The following ESR1 variants were observed in gnomAD, a reference collection of about 807,000 sequenced individuals.
ESR1 encodes the protein estrogen receptor 1, also known as estrogen receptor.
A neutral mutation model predicts 52.7 loss-of-function variants in ESR1; 12 were observed. The ratio of observed to expected loss-of-function variants is 0.23; its 90% confidence interval spans 0.15 to 0.37. The LOEUF is 0.37. ESR1 is among the 10% of genes least tolerant of loss of function. The probability of loss-of-function intolerance (pLI) is 1.00; values close to 1 mark genes in which losing one functional copy is unlikely to be tolerated. For synonymous variants in ESR1, 305 were observed against 316.8 expected (o/e 0.96, Z 0.39); for missense variants, 584 against 779.7 (o/e 0.75, Z 2.99).
intron 6 of ESR1, among the ~76,000 whole-genome samples, chr6:152,091,591 C>G (rs2050183377): frequency 6.6e-6 from 1 of 152,182 alleles, no homozygotes; most frequent in Non-Finnish European, 1.5e-5. Context: ...AAGGAACCCA[C>G]ACGCACCTTA....
chr6:152,015,061 AAAAAG>A (rs1364676938), intron 5 of ESR1, among the ~76,000 whole-genome samples: 18 of 152,126 alleles, frequency 1.2e-4, no homozygotes, highest in African/African-American at 4.3e-4. Flanking sequence ...TCCGTCTCAA[AAAAAG>A]AAAAGAAAAT....
intron 1 of ESR1, among the ~76,000 whole-genome samples, chr6:151,671,580 T>C (rs1441545393): frequency 6.6e-6 from 1 of 152,114 alleles, no homozygotes; most frequent in Non-Finnish European, 1.5e-5. Flanking sequence ...AAAGTTTTAG[T>C]TAGATAGGAG....
At chr6:151,795,951 A>G (rs148459300) in intron 2 of ESR1, among the ~76,000 whole-genome samples, 29 of 151,916 alleles carry the variant, frequency 1.9e-4, no homozygotes, top group African/African-American at 6.8e-4. Context: ...GATCAAAATC[A>G]TCCTGGCTAA....
intron 2 of ESR1, among the ~76,000 whole-genome samples, chr6:151,702,435 CACA>C (rs1177154472): frequency 6.6e-6 from 1 of 152,070 alleles, no homozygotes; most frequent in Non-Finnish European, 1.5e-5. Context: ...ATTTGAATTT[CACA>C]ACCTCCTTCT....
chr6:152,127,024 T>C (rs539617791), exon 7 of ESR1: 2 of 152,332 alleles, frequency 1.3e-5, no homozygotes, highest in African/African-American at 4.8e-5. Flanking sequence ...ATGTGTCTTG[T>C]CTTTGAAACC....
chr6:151,761,493 G>A (rs1041778231), intron 2 of ESR1, among the ~76,000 whole-genome samples: 2 of 152,106 alleles, frequency 1.3e-5, no homozygotes, highest in African/African-American at 4.8e-5. Context: ...GCCTGACTGG[G>A]GAGGTGTTCA....
intron 2 of ESR1, among the ~76,000 whole-genome samples, chr6:151,844,178 G>T (rs1463945809): frequency 6.6e-6 from 1 of 151,172 alleles, no homozygotes; most frequent in African/African-American, 2.4e-5. Flanking sequence ...ATATATATAT[G>T]CACACAGGCT....
At chr6:151,799,091 C>A (rs1456213037) in intron 2 of ESR1, among the ~76,000 whole-genome samples, 1 of 152,138 alleles carries the variant, frequency 6.6e-6, no homozygotes. Flanking sequence ...ACCAATTAGT[C>A]CCTTAATTTT....
chr6:151,673,324 T>C (rs187902298), intron 1 of ESR1, among the ~76,000 whole-genome samples: 1 of 152,352 alleles, frequency 6.6e-6, no homozygotes, highest in Non-Finnish European at 1.5e-5. Flanking sequence ...TTTTGCCTTA[T>C]ATATTTGGCT....
chr6:151,996,455 T>C (rs142382229), intron 4 of ESR1, among the ~76,000 whole-genome samples: 321 of 152,214 alleles, frequency 2.1e-3, no homozygotes, highest in African/African-American at 7.4e-3. Context: ...TTCATTTCTG[T>C]CTGTCTTTTG....
At position 151,684,535 on chromosome 6, in the gene ESR1, A is replaced by T. The variant is rs76884697; in HGVS notation, n.74-17340A>T. Among the ~76,000 whole-genome samples, 26 of 152,292 alleles carry T rather than the reference A, an allele frequency of 1.7e-4. No homozygotes were observed. In the East Asian group the frequency reaches 4.6e-3, roughly 27 times the overall value. On this transcript the variant is annotated intron_variant and non_coding_transcript_variant, in intron 1 of 2. Transcript: ENST00000473497. ...AAAGTCCAGCTGAGAGCTGAAGAGG[A>T]TCTGACTTGTGACAGGGAGTAGGAC...
At chr6:152,062,185 G>A (rs3798567) in intron 6 of ESR1, among the ~76,000 whole-genome samples, 33,086 of 151,776 alleles carry the variant, frequency 0.22, 5,191 homozygotes, top group African/African-American at 0.43. Flanking sequence ...GATGAGTGCT[G>A]ATCCCTTCCC....
At chr6:151,755,085 C>G (rs1411472691) in intron 2 of ESR1, among the ~76,000 whole-genome samples, 1 of 152,062 alleles carries the variant, frequency 6.6e-6, no homozygotes, top group East Asian at 1.9e-4. Context: ...TGGTGCATGC[C>G]TGTAGTCCCA....
intron 2 of ESR1, among the ~76,000 whole-genome samples, chr6:151,850,710 C>A (rs370153011): frequency 2.3e-4 from 35 of 152,054 alleles, no homozygotes; most frequent in African/African-American, 7.7e-4. Flanking sequence ...CCACTCCCTC[C>A]GGCATCCGTA....
intron 4 of ESR1, among the ~76,000 whole-genome samples, chr6:151,996,329 G>A (rs574642860): frequency 6.6e-6 from 1 of 152,032 alleles, no homozygotes; most frequent in Admixed American, 6.6e-5. Context: ...TAGCCAGGGG[G>A]ACCTCCCACT....
chr6:151,807,435 C>T, upstream of ESR1: 1 of 234,782 alleles, frequency 4.3e-6, no homozygotes, highest in South Asian at 6.3e-5. Flanking sequence ...CCTGGGCCAC[C>T]TTTAGCAGAT....
chr6:151,848,854 A>G (rs1785738403), intron 2 of ESR1, among the ~76,000 whole-genome samples: 1 of 152,138 alleles, frequency 6.6e-6, no homozygotes, highest in South Asian at 2.1e-4. Context: ...CTCTCAAGAG[A>G]AAAATTTTCC....
chr6:151,669,189 A>AGAGAG (rs774737323), intron 1 of ESR1, among the ~76,000 whole-genome samples: 11 of 87,170 alleles, frequency 1.3e-4, no homozygotes, highest in South Asian at 4.7e-4. Context: ...AGAGAGAGAG[A>AGAGAG]TGGGAATCCA....
At chr6:151,706,142 C>A (rs1468904039) in intron 2 of ESR1, among the ~76,000 whole-genome samples, 1 of 152,236 alleles carries the variant, frequency 6.6e-6, no homozygotes, top group Non-Finnish European at 1.5e-5. Flanking sequence ...ACCTAAGACC[C>A]TGCATGCACA....
Sources: allele counts gnomAD v4.1 joint callset (sites outside exome capture counted in the v4.1 genomes callset), GRCh38; gene constraint gnomAD v4.1.1; transcripts MANE v1.5; gene names NCBI Gene and HGNC (gene_info 2026-07-23, HGNC 2026-07-21).